FAM50A: variants seen among roughly 807,000 people sequenced by gnomAD.
The protein encoded by FAM50A is protein FAM50A.
FAM50A carries 6 observed loss-of-function variants against 35.5 expected under a neutral mutation model. The ratio of observed to expected loss-of-function variants is 0.17; its 90% CI spans 0.09 to 0.33. The LOEUF is 0.33. Ranked by LOEUF, FAM50A falls within the 10% of genes least tolerant of loss-of-function variation. The pLI is 1.00. For synonymous variants in FAM50A, 120 were observed against 110.9 expected, an observed-to-expected ratio of 1.08 and a Z score of -0.52; for missense variants, 145 against 295.5, an observed-to-expected ratio of 0.49 and a Z score of 3.73.
At position 154,448,072 on chromosome X, in the gene FAM50A, C is replaced by CTTTTTTTTTTTTTTTT. The variant is rs781847663; in HGVS notation, c.443-398_443-397insTTTTTTTTTTTTTTTT. On this transcript the variant is annotated intron_variant, in intron 4 of 12. Coordinates refer to ENST00000393600, the MANE Select transcript of FAM50A (RefSeq NM_004699.4). ...TGTTGTTCTTTTCTTTTTTTTCTTTCTTTTTTTTTTTTTTGAGATGAGGTC... is the reference window on the plus strand; with the variant it reads ...TGTTGTTCTTTTCTTTTTTTTCTTTCTTTTTTTTTTTTTTTTTTTTTTTTTTTTTTGAGATGAGGTC... Among the ~76,000 whole-genome samples, 487 of 82,739 alleles carry CTTTTTTTTTTTTTTTT rather than the reference C, an allele frequency of 5.9e-3. 45 individuals carry two copies. The highest frequency in any genetic ancestry group is 0.026 in the African/African-American group (458 of 17,925). 71.8% of individuals were successfully genotyped at this position (82,739 alleles called of 115,157 possible).
rs781847663 is a variant in FAM50A at position 154,448,072 on chromosome X, C to CTTTTTTTTTTTT, written c.443-409_443-398dup. 6.7e-3 allele frequency among the ~76,000 whole-genome samples: 551 copies of CTTTTTTTTTTTT among 82,714 alleles called. 55 individuals carry two copies. The highest frequency in any genetic ancestry group is 0.029 in the African/African-American group (524 of 17,888). 71.8% of individuals were successfully genotyped at this position (82,714 alleles called of 115,157 possible). ...TGTTGTTCTTTTCTTTTTTTTCTTTCTTTTTTTTTTTTTTGAGATGAGGTC... is the reference window on the plus strand; with the variant it reads ...TGTTGTTCTTTTCTTTTTTTTCTTTCTTTTTTTTTTTTTTTTTTTTTTTTTTGAGATGAGGTC... On this transcript the variant is annotated intron_variant, in intron 4 of 12. Transcript: ENST00000393600.
At chrX:154,449,388 T>C (rs1482326013) in intron 8 of FAM50A, 91 bp downstream of exon 8, 2 of 762,404 alleles carry the variant, frequency 2.6e-6, no homozygotes, top group Non-Finnish European at 4.1e-6. Context: ...GGGCGCTGTC[T>C]GGGCAAGCAA....
In FAM50A at chrX:154,446,356, G is replaced by C; in HGVS notation, c.297-59G>C. 3 of 1,111,423 alleles carry C rather than the reference G, an allele frequency of 2.7e-6. No homozygotes were observed. In the South Asian group the frequency reaches 5.5e-5, roughly 21 times the overall value. The allele number at this position is 1,111,423 out of a possible 1,213,427, so 91.6% of individuals were successfully genotyped here. A position where few individuals can be genotyped will look rare whatever the true frequency, so the allele number is the denominator to read the frequency against. Reference sequence around the variant, plus strand: ...CACAGGTGGCTCTGGGTCAAGGAAGGGGCTGGGTCAGGGTCGGGAAGGACA... The same window carrying C: ...CACAGGTGGCTCTGGGTCAAGGAAGCGGCTGGGTCAGGGTCGGGAAGGACA... On this transcript the variant is annotated intron_variant, in intron 3 of 12. Transcript: ENST00000393600.
intron 1 of FAM50A, 132 bp downstream of exon 1, chrX:154,444,478 C>T (rs1487976505): frequency 3.8e-6 from 1 of 264,216 alleles, no homozygotes; most frequent in Non-Finnish European, 6.3e-6. Context: ...GCCCCTGGCT[C>T]GCTGACTTCC....
chrX:154,448,415 C>T, intron 4 of FAM50A, 69 bp from the exon 5 acceptor site: 1 of 963,075 alleles, frequency 1.0e-6, no homozygotes, highest in Non-Finnish European at 1.5e-6. Flanking sequence ...CTTGGGGGAC[C>T]CTGGGCGTCG....
At position 154,450,517 on chromosome X, in the gene FAM50A, C is replaced by G; in HGVS notation, c.*85C>G. ...ACCGGGACTCCAGGCACCCGCTCCC[C>G]TGCGACCATGCCAGGCACGCTGGGA... On this transcript the variant is annotated 3_prime_UTR_variant, in exon 13 of 13. Transcript: ENST00000393600. The G allele has an allele frequency of 5.8e-6, 6 of 1,033,183 alleles. No individual in the cohort carries two copies. In the South Asian group the frequency reaches 1.2e-4, roughly 21 times the overall value. 85.1% of individuals were successfully genotyped at this position (1,033,183 alleles called of 1,213,427 possible).
intron 7 of FAM50A, 128 bp downstream of exon 7, chrX:154,449,082 G>A: frequency 1.1e-6 from 1 of 893,166 alleles, no homozygotes; most frequent in Non-Finnish European, 1.6e-6. Context: ...CCAGGGCCTG[G>A]CCCCCTGTCT....
chrX:154,447,205 G>A (rs188193300), intron 4 of FAM50A, among the ~76,000 whole-genome samples: 2,184 of 112,510 alleles, frequency 0.019, 60 homozygotes, highest in African/African-American at 0.065. Context: ...CAGGAGGGGC[G>A]ACGAGAAAGT....
At chrX:154,446,868 C>T (rs782218509) in intron 4 of FAM50A, among the ~76,000 whole-genome samples, 2 of 112,594 alleles carry the variant, frequency 1.8e-5, no homozygotes, top group Admixed American at 9.3e-5. Flanking sequence ...TAAATGTATA[C>T]AGCCACAGAA....
intron 3 of FAM50A, among the ~76,000 whole-genome samples, 165 bp downstream of exon 3, chrX:154,446,076 C>T (rs910790917): frequency 8.9e-6 from 1 of 112,430 alleles, no homozygotes. Context: ...CTCGGGTCCA[C>T]GCTCACGTCT....
In FAM50A at chrX:154,445,652, A is replaced by G. The variant is rs377504627; in HGVS notation, c.131A>G (p.Asn44Ser). 8.3e-7 allele frequency: 1 copy of G among 1,206,793 alleles called. No homozygotes were observed. The highest frequency in any genetic ancestry group is 1.8e-5 in the African/African-American group (1 of 57,125). The change falls in exon 2 of 13, where the codon AAC (asparagine) becomes AGC (serine). Residue 44 changes from asparagine (N) to serine (S), a missense_variant. Transcript: ENST00000393600. ...RIAEENIMKSNIDKKFSAHYD... is the reference protein window; with the variant it reads ...RIAEENIMKSSIDKKFSAHYD... ...CCGCAGGAGAACATCATGAAATCCA[A>G]CATTGACAAGAAGTTCTCTGCGCAC...
chrX:154,444,386 G>GT, intron 1 of FAM50A, 40 bp downstream of exon 1: 8 of 782,804 alleles, frequency 1.0e-5, no homozygotes, highest in South Asian at 2.8e-5. Context: ...CGCTGCCCAG[G>GT]TCCCCGGCGG....
intron 4 of FAM50A, among the ~76,000 whole-genome samples, chrX:154,447,498 G>A: frequency 8.9e-6 from 1 of 112,231 alleles, no homozygotes; most frequent in Non-Finnish European, 1.9e-5. Flanking sequence ...CATAGAAAAA[G>A]AAACAAGCAG....
chrX:154,444,812 C>G lies in FAM50A; in HGVS notation c.111+466C>G, dbSNP rs782735172. On this transcript the variant is annotated intron_variant, in intron 1 of 12. Transcript: ENST00000393600. ...AGAGGCGGGGAGGCCTGAGCCAGACCTGGCAAGTCCACTGGCCAGGAGGCT... is the reference window on the plus strand; with the variant it reads ...AGAGGCGGGGAGGCCTGAGCCAGACGTGGCAAGTCCACTGGCCAGGAGGCT... 502 of 112,946 alleles carry G rather than the reference C, an allele frequency of 4.4e-3. 1 individual carries two copies. The highest frequency in any genetic ancestry group is 7.2e-3 in the Non-Finnish European group (385 of 53,288). The allele number at this position is 112,946 out of a possible 1,213,427, so 9.3% of individuals were successfully genotyped here.
chrX:154,447,157 G>T (rs781983341), intron 4 of FAM50A, among the ~76,000 whole-genome samples: 1 of 112,539 alleles, frequency 8.9e-6, no homozygotes, highest in East Asian at 2.8e-4. Context: ...GGTTGAGTTA[G>T]GCCCTAAGGA....
In FAM50A at chrX:154,450,057, C is replaced by T. The variant is rs782628005; in HGVS notation, c.858C>T (p.Asp286=). The part of the protein sequence containing the change: ...SGPLFNFDVH[D]DVRLLSDATV... ...CACTCTTCAACTTTGATGTTCATGACGATGTGCGGTTGCTCAGTGACGCCA... is the reference window on the plus strand; with the variant it reads ...CACTCTTCAACTTTGATGTTCATGATGATGTGCGGTTGCTCAGTGACGCCA... Residue 286 remains aspartate (D), a synonymous_variant, in exon 11 of 13, where the codon GAC becomes GAT. Transcript: ENST00000393600. The T allele has an allele frequency of 2.6e-5, 31 of 1,208,819 alleles. No individual in the cohort carries two copies. The Admixed American group carries it at 4.6e-4, about 18-fold the overall frequency.
chrX:154,445,973 C>T (rs2068780915), intron 3 of FAM50A, 62 bp downstream of exon 3: 4 of 964,782 alleles, frequency 4.1e-6, no homozygotes, highest in Admixed American at 4.9e-5. Flanking sequence ...CGTGGCTGGT[C>T]GGGCTCTTTT....
At position 154,445,896 on chromosome X, in the gene FAM50A, C is replaced by A; in HGVS notation, c.281C>A (p.Ser94Tyr). ...REKQLAKKEQ[S>Y]KELQMKLEKL... ...AAGCAGCTGGCCAAGAAGGAGCAGT[C>A]CAAGGAGCTGCAGATGTGGGTCCTC... is the stretch of plus-strand genomic sequence containing the variant. The change falls in exon 3 of 13, where the codon TCC becomes TAC. Residue 94 changes from serine (S) to tyrosine (Y), a missense_variant. Transcript: ENST00000393600. 1 of 1,204,663 alleles carries A rather than the reference C, an allele frequency of 8.3e-7. No homozygotes were observed.
intron 4 of FAM50A, among the ~76,000 whole-genome samples, chrX:154,448,072 C>CTTTTTTTTTTT (rs781847663): frequency 0.029 from 2,356 of 82,388 alleles, 309 homozygotes; most frequent in African/African-American, 0.13. Context: ...TTTTTTCTTT[C>CTTTTTTTTTTT]TTTTTTTTTT....
Sources: allele counts gnomAD v4.1 joint callset (sites outside exome capture counted in the v4.1 genomes callset), GRCh38; gene constraint gnomAD v4.1.1; transcripts MANE v1.5; gene names NCBI Gene and HGNC (gene_info 2026-07-23, HGNC 2026-07-21).